SMYD4: variants seen among roughly 807,000 people sequenced by gnomAD.
SMYD4 encodes protein-lysine N-methyltransferase SMYD4.
In SMYD4, 68 loss-of-function variants were observed where a neutral mutation model predicts 72.8. The observed-to-expected ratio is 0.93, with a 90% CI of 0.77 to 1.14. SMYD4 has a LOEUF of 1.14. Ranked by LOEUF, SMYD4 falls within the 50% of genes most tolerant of loss-of-function variation. SMYD4 has a pLI of 0.00. For synonymous variants in SMYD4, 407 were observed against 388.6 expected (o/e 1.05, Z -0.56); for missense variants, 984 against 1,003.7 (o/e 0.98, Z 0.27).
intron 4 of SMYD4, among the ~76,000 whole-genome samples, chr17:1,801,775 G>A (rs113666896): frequency 0.05 from 7,630 of 151,306 alleles, 659 homozygotes; most frequent in African/African-American, 0.18. Flanking sequence ...AGGTGATCGA[G>A]ACCATCCTGG....
intron 4 of SMYD4, 69 bp downstream of exon 4, chr17:1,804,557 G>T: frequency 7.6e-7 from 1 of 1,316,422 alleles, no homozygotes. Context: ...AAGCAGAGAT[G>T]AAGGTCTAGT....
intron 2 of SMYD4, among the ~76,000 whole-genome samples, chr17:1,815,577 G>A (rs1249409062): frequency 6.8e-6 from 1 of 147,614 alleles, no homozygotes; most frequent in African/African-American, 2.5e-5. Flanking sequence ...AGGATCGCTT[G>A]AGCCCAGAAG....
chr17:1,793,186 G>A (rs1046547508), intron 5 of SMYD4, among the ~76,000 whole-genome samples: 1 of 151,982 alleles, frequency 6.6e-6, no homozygotes, highest in Non-Finnish European at 1.5e-5. Flanking sequence ...CAAAGTGCTG[G>A]GATTATAGGT....
intron 10 of SMYD4, 193 bp from the exon 11 acceptor site, chr17:1,781,632 G>T: frequency 1.6e-5 from 7 of 446,566 alleles, no homozygotes; most frequent in Non-Finnish European, 2.6e-5. Flanking sequence ...ATAAAAGATA[G>T]TATAGACGCC....
chr17:1,793,831 T>A (rs1909193970), intron 5 of SMYD4, among the ~76,000 whole-genome samples: 1 of 148,932 alleles, frequency 6.7e-6, no homozygotes, highest in Non-Finnish European at 1.5e-5. Context: ...AGTGCAGTGT[T>A]TTTTTTTTGA....
intron 4 of SMYD4, 155 bp downstream of exon 4, chr17:1,804,471 C>G: frequency 1.6e-6 from 1 of 638,632 alleles, no homozygotes; most frequent in Non-Finnish European, 2.6e-6. Flanking sequence ...AGCGCCCAGT[C>G]CGACTTTAGG....
At chr17:1,823,890 C>G (rs1175321998) in intron 2 of SMYD4, among the ~76,000 whole-genome samples, 1 of 152,154 alleles carries the variant, frequency 6.6e-6, no homozygotes, top group African/African-American at 2.4e-5. Context: ...CTGTCTGACA[C>G]ATGAAGAAAT....
intron 5 of SMYD4, among the ~76,000 whole-genome samples, chr17:1,793,944 C>T (rs1338864297): frequency 4.8e-5 from 7 of 147,110 alleles, no homozygotes; most frequent in African/African-American, 5.1e-5. Flanking sequence ...CCTTGGCCTC[C>T]CTAGTAGCTG....
At chr17:1,794,059 ATATATATGTG>A (rs1941069838) in intron 5 of SMYD4, among the ~76,000 whole-genome samples, 2 of 68,526 alleles carry the variant, frequency 2.9e-5, no homozygotes, top group African/African-American at 9.7e-5. Context: ...ATATGTGTGT[ATATATATGTG>A]TATATATATG....
intron 3 of SMYD4, among the ~76,000 whole-genome samples, chr17:1,806,391 G>GA (rs1910035923): frequency 6.6e-6 from 1 of 152,028 alleles, no homozygotes; most frequent in Non-Finnish European, 1.5e-5. Flanking sequence ...CACTGAACTG[G>GA]AAAAAATATC....
intron 3 of SMYD4, among the ~76,000 whole-genome samples, chr17:1,805,438 A>G (rs1319381172): frequency 6.6e-6 from 1 of 152,098 alleles, no homozygotes; most frequent in Non-Finnish European, 1.5e-5. Context: ...TTTTTCTACC[A>G]TCAAATTGGC....
chr17:1,811,903 G>A, intron 3 of SMYD4, 68 bp downstream of exon 3: 1 of 1,559,326 alleles, frequency 6.4e-7, no homozygotes, highest in Admixed American at 1.8e-5. Flanking sequence ...CTCCAGCCTG[G>A]GTAACACAGC....
Position 1,792,120 on chromosome 17 carries a change from G to A in SMYD4, c.1538-4516C>T, listed in dbSNP as rs186061589. Among the ~76,000 whole-genome samples the A allele has an allele frequency of 2.6e-4, 40 of 151,886 alleles. No homozygotes were observed. In the East Asian group the frequency reaches 3.7e-3, roughly 14 times the overall value. ...TGCAGGGGCGCGATCGCGGCTCAGTGCAAGCTCCGCCTCCTGGGTTCACAC... is the reference window on the plus strand; with the variant it reads ...TGCAGGGGCGCGATCGCGGCTCAGTACAAGCTCCGCCTCCTGGGTTCACAC... On this transcript the variant is annotated intron_variant, in intron 5 of 10. Coordinates refer to ENST00000305513, the MANE Select transcript of SMYD4 (RefSeq NM_052928.3).
At chr17:1,809,381 ATT>A (rs1016469554) in intron 3 of SMYD4, among the ~76,000 whole-genome samples, 1 of 111,596 alleles carries the variant, frequency 9.0e-6, no homozygotes, top group East Asian at 2.4e-4. Flanking sequence ...TATTATTATT[ATT>A]TTTTTTTTTG....
intron 2 of SMYD4, among the ~76,000 whole-genome samples, chr17:1,813,318 A>C (rs1471482647): frequency 6.6e-6 from 1 of 152,240 alleles, no homozygotes. Context: ...ACTGCTGAAA[A>C]TACTTGAGTG....
intron 5 of SMYD4, among the ~76,000 whole-genome samples, chr17:1,794,276 ATTTTTTTT>A (rs57986348): frequency 7.0e-5 from 9 of 128,440 alleles, no homozygotes; most frequent in South Asian, 2.5e-4. Flanking sequence ...CACCAGGCTA[ATTTTTTTT>A]TTTTTTTTGT....
At chr17:1,810,938 G>A (rs957044760) in intron 3 of SMYD4, among the ~76,000 whole-genome samples, 2 of 152,208 alleles carry the variant, frequency 1.3e-5, no homozygotes, top group Admixed American at 6.5e-5. Context: ...CCAACCTGCT[G>A]AGAGCTACTT....
rs1205950398 is a variant in SMYD4 at position 1,800,069 on chromosome 17, A to G, written c.1325T>C (p.Leu442Pro). The change falls in exon 5 of 11, where the codon CTC (leucine) becomes CCC (proline). Residue 442 changes from leucine (L) to proline (P), a missense_variant. Transcript: ENST00000305513. ...CAGTGCAGAAACACAGAGAGCACAG[A>G]GGAATTTGTGCTCTGGGCTATGGTT... ...TENHSPEHKF[L>P]CALCVSALCR... 6.2e-7 allele frequency: 1 copy of G among 1,612,438 alleles called. No homozygotes were observed. Among genetic ancestry groups the G allele is most frequent in the Non-Finnish European group, 8.5e-7 (1 of 1,178,858 alleles).
chr17:1,794,089 A>ATGTG (rs1199496815), intron 5 of SMYD4, among the ~76,000 whole-genome samples: 7 of 24,284 alleles, frequency 2.9e-4, no homozygotes, highest in Admixed American at 5.4e-4. Flanking sequence ...GTGTATATAT[A>ATGTG]TATATATATA....
Sources: allele counts gnomAD v4.1 joint callset (sites outside exome capture counted in the v4.1 genomes callset), GRCh38; gene constraint gnomAD v4.1.1; transcripts MANE v1.5; gene names NCBI Gene and HGNC (gene_info 2026-07-23, HGNC 2026-07-21).